Variants in RILPL2 observed in about 807,000 individuals in gnomAD.
The protein encoded by RILPL2 is RILP-like protein 2.
Under a neutral mutation model 22.2 loss-of-function variants are expected in RILPL2, and 19 were observed. That is an observed-to-expected ratio of 0.86 (90% CI 0.60 to 1.25). RILPL2 has a LOEUF of 1.25. RILPL2 is among the 50% of genes most tolerant of loss of function. RILPL2 has a pLI of 0.00. For synonymous variants in RILPL2, 123 were observed against 111.6 expected (o/e 1.10, Z -0.64); for missense variants, 243 against 263.6 (o/e 0.92, Z 0.54).
chr12:123,417,058 G>C (rs1010387477), intron 3 of RILPL2, among the ~76,000 whole-genome samples: 6 of 152,076 alleles, frequency 3.9e-5, no homozygotes, highest in Admixed American at 2.6e-4. Context: ...TAGCACATTG[G>C]GAGGCTGAGG....
intron 1 of RILPL2, among the ~76,000 whole-genome samples, chr12:123,434,351 G>A (rs761683484): frequency 3.4e-4 from 51 of 152,206 alleles, no homozygotes; most frequent in Non-Finnish European, 5.4e-4. Context: ...CCAGGAGTTT[G>A]AGGCCTCAGT....
At chr12:123,421,915 G>A (rs1200598190) in intron 3 of RILPL2, among the ~76,000 whole-genome samples, 2 of 151,432 alleles carry the variant, frequency 1.3e-5, no homozygotes, top group East Asian at 1.9e-4. Context: ...TGATCTGCCC[G>A]CCTCAGCCTC....
chr12:123,420,819 T>C (rs1449637932), intron 3 of RILPL2, among the ~76,000 whole-genome samples: 2 of 152,146 alleles, frequency 1.3e-5, no homozygotes, highest in Non-Finnish European at 2.9e-5. Context: ...CTGCCGTAGA[T>C]TCCATGTAGC....
chr12:123,410,467 CTT>C (rs1344499789), downstream of RILPL2, among the ~76,000 whole-genome samples: 1 of 152,172 alleles, frequency 6.6e-6, no homozygotes, highest in Non-Finnish European at 1.5e-5. Context: ...CTCTCTGAAA[CTT>C]GTCTCAAATA....
intron 2 of RILPL2, among the ~76,000 whole-genome samples, chr12:123,428,069 C>T (rs1388065519): frequency 6.6e-6 from 1 of 152,206 alleles, no homozygotes; most frequent in Non-Finnish European, 1.5e-5. Flanking sequence ...TGCCCACTAA[C>T]AAGCTGCTCA....
chr12:123,419,231 G>A (rs904720056), intron 3 of RILPL2, among the ~76,000 whole-genome samples: 2 of 151,176 alleles, frequency 1.3e-5, no homozygotes, highest in Non-Finnish European at 2.9e-5. Context: ...AGGATGGTCA[G>A]CCAGGATGGT....
At chr12:123,430,122 A>G (rs1425347594) in intron 2 of RILPL2, among the ~76,000 whole-genome samples, 1 of 148,820 alleles carries the variant, frequency 6.7e-6, no homozygotes, top group East Asian at 2.0e-4. Flanking sequence ...AAAAAAAAAA[A>G]AAAAAAGCCA....
the RILPL2 span, among the ~76,000 whole-genome samples, chr12:123,409,847 C>T: frequency 6.6e-6 from 1 of 151,380 alleles, no homozygotes; most frequent in Non-Finnish European, 1.5e-5. Context: ...CCTCAGCCTC[C>T]CAAGTAGCTG....
chr12:123,418,121 A>T (rs1169621070), intron 3 of RILPL2, among the ~76,000 whole-genome samples: 1 of 151,698 alleles, frequency 6.6e-6, no homozygotes, highest in Non-Finnish European at 1.5e-5. Flanking sequence ...TGAGGTCTCT[A>T]CAAAAAAGCT....
Position 123,415,777 on chromosome 12 carries a change from G to T in RILPL2, c.*114C>A. 9.7e-7 allele frequency: 1 copy of T among 1,033,616 alleles called. No homozygotes were observed. The highest frequency in any genetic ancestry group is 1.5e-6 in the Non-Finnish European group (1 of 653,712). The allele number at this position is 1,033,616 out of a possible 1,614,324, so 64.0% of individuals were successfully genotyped here. ...TCCCTCCTCAGTCTGCTTTGAAGGGGAAATAAATACACAGGCCTAGTGTGT... is the reference window on the plus strand; with the variant it reads ...TCCCTCCTCAGTCTGCTTTGAAGGGTAAATAAATACACAGGCCTAGTGTGT... On this transcript the variant is annotated 3_prime_UTR_variant, in exon 4 of 4. Transcript: ENST00000280571.
At chr12:123,420,657 G>A (rs1453486714) in intron 3 of RILPL2, among the ~76,000 whole-genome samples, 4 of 149,942 alleles carry the variant, frequency 2.7e-5, no homozygotes, top group Admixed American at 6.7e-5. Flanking sequence ...GGCTGGTCTC[G>A]AACTCCTGAC....
chr12:123,436,351 C>G lies in RILPL2; in HGVS notation c.70G>C (p.Gly24Arg). The G allele has an allele frequency of 6.4e-7, 1 of 1,559,218 alleles. No individual in the cohort carries two copies. The highest frequency in any genetic ancestry group is 8.7e-7 in the Non-Finnish European group (1 of 1,151,558). ...GEEDEERDEVGPEGALGKSPF... is the reference protein window; with the variant it reads ...GEEDEERDEVRPEGALGKSPF... The stretch of plus-strand genomic sequence containing the variant: ...CTCTTGCCCAGCGCCCCCTCGGGCC[C>G]AACCTCGTCCCTCTCCTCGTCCTCC... The change falls in exon 1 of 4, where the codon GGG becomes CGG. Residue 24 changes from glycine (G) to arginine (R), a missense_variant. Transcript: ENST00000280571. The surrounding 1 kb of genome is among the most constrained non-coding windows in gnomAD (Gnocchi z 6.7).
chr12:123,415,797 G>T lies in RILPL2; in HGVS notation c.*94C>A. 1 of 1,166,552 alleles carries T rather than the reference G, an allele frequency of 8.6e-7. No homozygotes were observed. The allele number at this position is 1,166,552 out of a possible 1,614,324, so 72.3% of individuals were successfully genotyped here. On this transcript the variant is annotated 3_prime_UTR_variant, in exon 4 of 4. Coordinates refer to ENST00000280571, the MANE Select transcript of RILPL2 (RefSeq NM_145058.3). Reference sequence around the variant, plus strand: ...AAGGGGAAATAAATACACAGGCCTAGTGTGTCTGTGTGGCACAGGGAGGTG... The same window carrying T: ...AAGGGGAAATAAATACACAGGCCTATTGTGTCTGTGTGGCACAGGGAGGTG...
chr12:123,428,488 C>T (rs1244722846), intron 2 of RILPL2, among the ~76,000 whole-genome samples: 1 of 152,176 alleles, frequency 6.6e-6, no homozygotes, highest in Non-Finnish European at 1.5e-5. Context: ...CGGTTCCAAC[C>T]TCAGCAAAAG....
chr12:123,410,495 C>T (rs951213178), downstream of RILPL2, among the ~76,000 whole-genome samples: 2 of 152,160 alleles, frequency 1.3e-5, no homozygotes, highest in African/African-American at 4.8e-5. Context: ...AATCTCTGCC[C>T]ACTTGACTTG....
intron 2 of RILPL2, among the ~76,000 whole-genome samples, chr12:123,423,359 G>C (rs1410374262): frequency 1.3e-5 from 2 of 150,868 alleles, no homozygotes; most frequent in African/African-American, 4.9e-5. Context: ...CTGCCACCAT[G>C]CTCGGCTAAT....
chr12:123,430,320 A>G (rs1879597148), intron 2 of RILPL2, among the ~76,000 whole-genome samples, 188 bp downstream of exon 2: 1 of 151,776 alleles, frequency 6.6e-6, no homozygotes. Context: ...GAGGCAGGAG[A>G]ATGGCGTGAA....
intron 3 of RILPL2, among the ~76,000 whole-genome samples, chr12:123,416,532 C>T (rs541681041): frequency 2.0e-5 from 3 of 151,590 alleles, no homozygotes; most frequent in Middle Eastern, 3.2e-3. Context: ...CCAGCTGCCT[C>T]GGGAGGCTGA....
At chr12:123,417,294 A>T (rs974987467) in intron 3 of RILPL2, among the ~76,000 whole-genome samples, 1 of 148,398 alleles carries the variant, frequency 6.7e-6, no homozygotes, top group Non-Finnish European at 1.5e-5. Context: ...GTGAGACCCC[A>T]TCTCAAAAAA....
Sources: allele counts gnomAD v4.1 joint callset (sites outside exome capture counted in the v4.1 genomes callset), GRCh38; gene constraint gnomAD v4.1.1; non-coding constraint Gnocchi (gnomAD v3.1); transcripts MANE v1.5; gene names NCBI Gene and HGNC (gene_info 2026-07-23, HGNC 2026-07-21).